Variants in EYS observed in about 807,000 individuals in gnomAD.
The protein encoded by EYS is EGF-like photoreceptor maintenance factor.
A neutral mutation model predicts 282.1 loss-of-function variants in EYS; 250 were observed. The ratio of observed to expected loss-of-function variants is 0.89; its 90% CI spans 0.80 to 0.98. The LOEUF (loss-of-function observed/expected upper bound fraction) is 0.98, where lower values mean the gene tolerates loss of function less well. Ranked by LOEUF, EYS falls within the 50% of genes least tolerant of loss-of-function variation. The pLI is 0.00. For missense variants in EYS, 4,016 were observed against 3,709.0 expected (o/e 1.08, Z -2.15); for synonymous variants, 1,355 against 1,282.9 (o/e 1.06, Z -1.20).
rs1056512208 is a variant in EYS at position 65,413,661 on chromosome 6, C to T, written c.863-8294G>A. On this transcript the variant is annotated intron_variant, in intron 5 of 42. Coordinates refer to ENST00000503581, the MANE Select transcript of EYS (RefSeq NM_001142800.2). ...GATCATGAGGTCAGGAGTTCGAGAC[C>T]AGCCTGGCCAATATGGTGAAACCCG... 7.9e-5 allele frequency among the ~76,000 whole-genome samples: 12 copies of T among 152,022 alleles called. No individual in the cohort carries two copies. The Middle Eastern group carries it at 0.01, about 129-fold the overall frequency.
At chr6:63,759,717 T>C (rs1410616663) in intron 41 of EYS, among the ~76,000 whole-genome samples, 1 of 152,074 alleles carries the variant, frequency 6.6e-6, no homozygotes, top group Non-Finnish European at 1.5e-5. Flanking sequence ...GTGCATTGCT[T>C]GCTGTGTTCC....
intron 2 of EYS, among the ~76,000 whole-genome samples, chr6:65,525,182 T>C (rs918544456): frequency 6.6e-6 from 1 of 152,132 alleles, no homozygotes; most frequent in African/African-American, 2.4e-5. Context: ...TTGAAAGCAT[T>C]TGAAGATAGG....
intron 22 of EYS, among the ~76,000 whole-genome samples, chr6:64,684,127 A>C (rs1322859269): frequency 6.6e-6 from 1 of 152,186 alleles, no homozygotes; most frequent in Non-Finnish European, 1.5e-5. Flanking sequence ...AAATATCTTA[A>C]AAGCAATACA....
At chr6:64,297,733 T>G (rs1769084682) in intron 30 of EYS, among the ~76,000 whole-genome samples, 5 of 152,152 alleles carry the variant, frequency 3.3e-5, no homozygotes, top group African/African-American at 1.2e-4. Flanking sequence ...ATTCCAGCAC[T>G]CTGAGAGGCC....
chr6:65,587,286 G>A (rs1352198169), intron 2 of EYS, among the ~76,000 whole-genome samples: 1 of 152,024 alleles, frequency 6.6e-6, no homozygotes, highest in African/African-American at 2.4e-5. Context: ...GTGTTAAAAG[G>A]TGATATGGTT....
chr6:64,034,011 T>A (rs1375608261), intron 33 of EYS, among the ~76,000 whole-genome samples: 2 of 152,176 alleles, frequency 1.3e-5, no homozygotes, highest in African/African-American at 4.8e-5. Flanking sequence ...TTAATTAACA[T>A]AAATTCAACA....
intron 12 of EYS, among the ~76,000 whole-genome samples, chr6:65,214,054 G>C (rs1218970157): frequency 1.3e-5 from 2 of 151,166 alleles, no homozygotes; most frequent in Non-Finnish European, 2.9e-5. Flanking sequence ...AGCTACTCGG[G>C]AGTCTGAGGC....
chr6:64,132,677 A>G (rs977383936), intron 31 of EYS, among the ~76,000 whole-genome samples: 7 of 151,846 alleles, frequency 4.6e-5, no homozygotes, highest in African/African-American at 1.7e-4. Flanking sequence ...AAATCTAAAT[A>G]TACAGGACTC....
At chr6:65,092,477 A>C (rs1774602114) in intron 12 of EYS, among the ~76,000 whole-genome samples, 1 of 152,208 alleles carries the variant, frequency 6.6e-6, no homozygotes, top group Admixed American at 6.5e-5. Flanking sequence ...TTGCAAATGC[A>C]AAAAGTCATG....
rs570388644 is a variant in EYS, at chr6:64,685,891, C to T, written c.3444-59646G>A. Among the ~76,000 whole-genome samples the T allele has an allele frequency of 3.3e-5, 5 of 152,086 alleles. No individual in the cohort carries two copies. In the South Asian group the frequency reaches 1.0e-3, roughly 32 times the overall value. ...ATCATTAACCAAGGGTGATAACATG[C>T]TGGGCTACAGAATATATCTCAGTAA... On this transcript the variant is annotated intron_variant, in intron 22 of 42. Coordinates refer to ENST00000503581, the MANE Select transcript of EYS (RefSeq NM_001142800.2).
At chr6:64,815,911 G>A (rs1463963105) in intron 21 of EYS, among the ~76,000 whole-genome samples, 1 of 151,968 alleles carries the variant, frequency 6.6e-6, no homozygotes, top group East Asian at 1.9e-4. Flanking sequence ...GTACATACTG[G>A]GCTAGTAAAT....
At chr6:63,817,542 C>T (rs958462618) in intron 36 of EYS, among the ~76,000 whole-genome samples, 40 of 152,078 alleles carry the variant, frequency 2.6e-4, no homozygotes, top group African/African-American at 9.7e-4. Flanking sequence ...TTCTCTTCCC[C>T]CCAGTCTCCT....
intron 22 of EYS, among the ~76,000 whole-genome samples, chr6:64,688,354 G>A (rs1770239940): frequency 6.6e-6 from 1 of 151,554 alleles, no homozygotes; most frequent in South Asian, 2.1e-4. Flanking sequence ...TTCTCTTATG[G>A]GCATTTAGTG....
chr6:65,372,095 T>A (rs189399016), intron 8 of EYS, among the ~76,000 whole-genome samples: 1 of 151,820 alleles, frequency 6.6e-6, no homozygotes, highest in African/African-American at 2.4e-5. Flanking sequence ...AAATTTTGTG[T>A]TTTTTTCTTT....
chr6:65,588,712 T>C (rs1365272731), intron 2 of EYS, among the ~76,000 whole-genome samples: 1 of 152,084 alleles, frequency 6.6e-6, no homozygotes, highest in Non-Finnish European at 1.5e-5. Flanking sequence ...GAGAGCTACA[T>C]TGACACATTT....
intron 26 of EYS, among the ~76,000 whole-genome samples, chr6:64,475,726 A>T (rs1776244847): frequency 1.3e-5 from 1 of 78,186 alleles, no homozygotes; most frequent in Admixed American, 1.6e-4. Flanking sequence ...CCTCTTTTTT[A>T]AAATGGTAAA....
chr6:65,061,335 C>A (rs73765740), intron 12 of EYS, among the ~76,000 whole-genome samples: 4,411 of 151,896 alleles, frequency 0.029, 216 homozygotes, highest in African/African-American at 0.1. Flanking sequence ...AGTTTCTGGG[C>A]AGACAAATTA....
chr6:64,052,231 T>C lies in EYS; in HGVS notation c.6725+14107A>G, dbSNP rs569467800. ...TCAAATGTAATAAAAAAATCACTCCTCTTATTCCTGAGCCTAGGAATAAAC... is the reference window on the plus strand; with the variant it reads ...TCAAATGTAATAAAAAAATCACTCCCCTTATTCCTGAGCCTAGGAATAAAC... On this transcript the variant is annotated intron_variant, in intron 33 of 42. Coordinates refer to ENST00000503581, the MANE Select transcript of EYS (RefSeq NM_001142800.2). Among the ~76,000 whole-genome samples, 371 of 152,288 alleles carry C rather than the reference T, an allele frequency of 2.4e-3. 2 individuals carry two copies. Among genetic ancestry groups the C allele is most frequent in the African/African-American group, 8.3e-3 (347 of 41,570 alleles).
At chr6:64,126,853 A>C (rs1162235419) in intron 31 of EYS, among the ~76,000 whole-genome samples, 2 of 151,908 alleles carry the variant, frequency 1.3e-5, no homozygotes, top group Non-Finnish European at 2.9e-5. Flanking sequence ...ACACACACAT[A>C]TCTATATACA....
Sources: allele counts gnomAD v4.1 joint callset (sites outside exome capture counted in the v4.1 genomes callset), GRCh38; gene constraint gnomAD v4.1.1; transcripts MANE v1.5; gene names NCBI Gene and HGNC (gene_info 2026-07-23, HGNC 2026-07-21).